Variants in GRIA1 observed in about 807,000 individuals in gnomAD.
GRIA1 encodes the protein glutamate receptor 1.
A neutral mutation model predicts 99.2 loss-of-function variants in GRIA1; 31 were observed. That is an observed-to-expected ratio of 0.31 (90% CI 0.23 to 0.42). The LOEUF (loss-of-function observed/expected upper bound fraction) is 0.42. Ranked by LOEUF, GRIA1 falls within the 10% of genes least tolerant of loss-of-function variation. The pLI is 1.00. For synonymous variants in GRIA1, 438 were observed against 432.4 expected, an observed-to-expected ratio of 1.01 and a Z score of -0.16; for missense variants, 782 against 1,157.5, an observed-to-expected ratio of 0.68 and a Z score of 4.71.
chr5:153,786,455 A>G (rs756763852), intron 13 of GRIA1, among the ~76,000 whole-genome samples: 17 of 151,668 alleles, frequency 1.1e-4, no homozygotes, highest in Non-Finnish European at 2.2e-4. Flanking sequence ...TTCATGAACT[A>G]TTGAGAAATA....
intron 11 of GRIA1, among the ~76,000 whole-genome samples, chr5:153,713,759 A>AT (rs1365217516): frequency 1.3e-5 from 2 of 152,136 alleles, no homozygotes; most frequent in Non-Finnish European, 2.9e-5. Context: ...TGACGGAGAG[A>AT]TTTGTTTTCT....
At chr5:153,730,065 T>A (rs1235365631) in intron 11 of GRIA1, among the ~76,000 whole-genome samples, 1 of 152,162 alleles carries the variant, frequency 6.6e-6, no homozygotes, top group Non-Finnish European at 1.5e-5. Flanking sequence ...AGCCTTTATA[T>A]ACTATTACAG....
At chr5:153,533,698 G>A (rs996690543) in intron 2 of GRIA1, among the ~76,000 whole-genome samples, 3 of 152,148 alleles carry the variant, frequency 2.0e-5, no homozygotes, top group African/African-American at 7.2e-5. Flanking sequence ...TTGGCAGCTA[G>A]CATATTGCTC....
intron 13 of GRIA1, among the ~76,000 whole-genome samples, chr5:153,784,095 C>T (rs1347028493): frequency 6.6e-6 from 1 of 152,186 alleles, no homozygotes; most frequent in Non-Finnish European, 1.5e-5. Flanking sequence ...TTACTCCCAA[C>T]TCTACAGGCA....
intron 11 of GRIA1, among the ~76,000 whole-genome samples, chr5:153,718,469 T>C (rs916853378): frequency 8.5e-5 from 13 of 152,120 alleles, no homozygotes; most frequent in Non-Finnish European, 1.9e-4. Flanking sequence ...GATCCCATTA[T>C]TCAGACAAAC....
At chr5:153,697,519 G>A (rs1758200667) in intron 8 of GRIA1, among the ~76,000 whole-genome samples, 1 of 152,066 alleles carries the variant, frequency 6.6e-6, no homozygotes, top group Admixed American at 6.6e-5. Context: ...TATACTTGGA[G>A]ACAGAAGAAA....
Position 153,811,069 on chromosome 5 carries a change from G to C in GRIA1, c.2565G>C (p.Arg855=), listed in dbSNP as rs1196869374. The C allele has an allele frequency of 6.2e-7, 1 of 1,614,136 alleles. No homozygotes were observed. ...AGCAATCCATCAACGAAGCCATACG[G>C]ACATCGACCCTCCCCCGCAACAGCG... ...IPQQSINEAI[R]TSTLPRNSGA... The change falls in exon 16 of 16, where the codon CGG becomes CGC. Residue 855 remains arginine, a synonymous_variant. Coordinates refer to ENST00000285900, the MANE Select transcript of GRIA1 (RefSeq NM_000827.4).
intron 2 of GRIA1, among the ~76,000 whole-genome samples, chr5:153,551,364 GTTTC>G (rs1760127602): frequency 6.6e-6 from 1 of 151,094 alleles, no homozygotes; most frequent in African/African-American, 2.4e-5. Context: ...TTGTTTGTTT[GTTTC>G]TTAATGAGCA....
At chr5:153,679,013 G>A (rs1449541986) in intron 7 of GRIA1, among the ~76,000 whole-genome samples, 3 of 152,180 alleles carry the variant, frequency 2.0e-5, no homozygotes, top group Non-Finnish European at 4.4e-5. Context: ...CCTTCTGGTT[G>A]TAGTGTATAC....
intron 2 of GRIA1, among the ~76,000 whole-genome samples, chr5:153,628,753 T>C (rs1767871746): frequency 6.6e-6 from 1 of 152,234 alleles, no homozygotes; most frequent in South Asian, 2.1e-4. Flanking sequence ...TTTTTTTCTA[T>C]ACAATAGAGC....
chr5:153,739,832 A>G (rs1424900920), intron 11 of GRIA1, among the ~76,000 whole-genome samples: 4 of 152,230 alleles, frequency 2.6e-5, no homozygotes, highest in South Asian at 2.1e-4. Context: ...AATCTGCCAT[A>G]GCTTTAAAAA....
chr5:153,596,456 C>A (rs941107001), intron 2 of GRIA1, among the ~76,000 whole-genome samples: 1 of 152,186 alleles, frequency 6.6e-6, no homozygotes, highest in South Asian at 2.1e-4. Flanking sequence ...CCACAGCAGG[C>A]CTGTGAAAGA....
chr5:153,512,609 C>T (rs1219196848), intron 2 of GRIA1, among the ~76,000 whole-genome samples: 1 of 152,190 alleles, frequency 6.6e-6, no homozygotes, highest in African/African-American at 2.4e-5. Flanking sequence ...TGCAAACCTC[C>T]CAATCAACAT....
intron 2 of GRIA1, among the ~76,000 whole-genome samples, chr5:153,561,332 C>T (rs1418272678): frequency 6.6e-6 from 1 of 152,106 alleles, no homozygotes; most frequent in Non-Finnish European, 1.5e-5. Flanking sequence ...ACAGCCTGGA[C>T]CCGTACTCAA....
At chr5:153,496,215 G>A (rs533641447) in intron 2 of GRIA1, among the ~76,000 whole-genome samples, 1 of 152,164 alleles carries the variant, frequency 6.6e-6, no homozygotes, top group Non-Finnish European at 1.5e-5. Flanking sequence ...CTGTTTATTA[G>A]GGAGACAGAA....
At chr5:153,624,613 T>C (rs1367979688) in intron 2 of GRIA1, among the ~76,000 whole-genome samples, 1 of 152,242 alleles carries the variant, frequency 6.6e-6, no homozygotes, top group Non-Finnish European at 1.5e-5. Context: ...TGACCAGTGC[T>C]AAATTATCTC....
intron 7 of GRIA1, 134 bp downstream of exon 7, chr5:153,677,295 G>A (rs775834907): frequency 9.6e-6 from 6 of 628,122 alleles, no homozygotes; most frequent in Non-Finnish European, 1.4e-5. Flanking sequence ...TGCATTGTTG[G>A]TGTTGGTGGT....
chr5:153,613,671 G>A (rs6891885), intron 2 of GRIA1, among the ~76,000 whole-genome samples: 33,552 of 150,860 alleles, frequency 0.22, 4,275 homozygotes, highest in Non-Finnish European at 0.3. Context: ...AACCACAATG[G>A]CTTTTGCACC....
intron 1 of GRIA1, among the ~76,000 whole-genome samples, chr5:153,493,135 C>T (rs1265688960): frequency 6.6e-6 from 1 of 152,186 alleles, no homozygotes; most frequent in Non-Finnish European, 1.5e-5. Flanking sequence ...CATCAGGCAC[C>T]TTTACTATAC....
Sources: allele counts gnomAD v4.1 joint callset (sites outside exome capture counted in the v4.1 genomes callset), GRCh38; gene constraint gnomAD v4.1.1; transcripts MANE v1.5; gene names NCBI Gene and HGNC (gene_info 2026-07-23, HGNC 2026-07-21).